Variants in NEB observed in about 807,000 individuals in gnomAD.
The protein encoded by NEB is nemaline myopathy type 2.
Under a neutral mutation model 952.2 loss-of-function variants are expected in NEB, and 512 were observed. The ratio of observed to expected loss-of-function variants is 0.54; its 90% CI spans 0.50 to 0.58. The LOEUF (loss-of-function observed/expected upper bound fraction) is 0.58, where lower values mean the gene tolerates loss of function less well. Among genes scored for constraint, NEB ranks in the 20% least tolerant of loss-of-function variants. NEB has a pLI of 0.00. For missense variants in NEB, 8,428 were observed against 9,231.1 expected (o/e 0.91, Z 3.56); for synonymous variants, 2,900 against 3,149.8 (o/e 0.92, Z 2.66).
chr2:151,507,707 G>C, intron 162 of NEB: 1 of 320,166 alleles, frequency 3.1e-6, no homozygotes, highest in Non-Finnish European at 5.8e-6. Context: ...TGTCTCTCTT[G>C]TTAATCTGTC....
chr2:151,611,642 T>G (rs1234328887), intron 78 of NEB, among the ~76,000 whole-genome samples: 1 of 152,146 alleles, frequency 6.6e-6, no homozygotes, highest in Non-Finnish European at 1.5e-5. Context: ...TTGATAAAAT[T>G]TTGGATGAAA....
chr2:151,542,005 CTCTTT>C (rs2094135459), intron 135 of NEB, among the ~76,000 whole-genome samples: 1 of 152,196 alleles, frequency 6.6e-6, no homozygotes, highest in African/African-American at 2.4e-5. Flanking sequence ...TTCTTTGCCT[CTCTTT>C]TGATTAATTT....
At chr2:151,615,014 T>A (rs2098143203) in intron 76 of NEB, among the ~76,000 whole-genome samples, 1 of 152,182 alleles carries the variant, frequency 6.6e-6, no homozygotes, top group African/African-American at 2.4e-5. Context: ...ATAATAGACT[T>A]CTCAGTCAAG....
In NEB at chr2:151,656,274, G is replaced by A; in HGVS notation, c.6374C>T (p.Ala2125Val). ...TPADMLSVTA[A>V]KDAQANITNT... is the part of the protein sequence containing the mutation. ...GGTGATGTTGGCTTGGGCATCCTTT[G>A]CAGCCGTGACACTGAGCATGTCGGC... The change falls in exon 49 of 182, where the codon GCA becomes GTA. Residue 2125 changes from alanine (A) to valine (V), a missense_variant. Ala to Val is a moderately conservative substitution (Grantham distance 64, BLOSUM62 0). Transcript: ENST00000397345. 2 of 1,613,560 alleles carry A rather than the reference G, an allele frequency of 1.2e-6. No homozygotes were observed. Among genetic ancestry groups the A allele is most frequent in the Non-Finnish European group, 1.7e-6 (2 of 1,179,662 alleles).
rs1450483092 is a variant in NEB, at chr2:151,575,675, G to A, written c.17013+20C>T. ...CTGGGTAACTTTCCAAACAAAAAGA[G>A]AGTCTGTTGTAGTACTTACATTGCT... On this transcript the variant is annotated intron_variant, in intron 107 of 181. Transcript: ENST00000397345. The A allele has an allele frequency of 2.7e-6, 4 of 1,490,692 alleles. No individual in the cohort carries two copies. The highest frequency in any genetic ancestry group is 1.7e-5 in the Admixed American group (1 of 59,406). 92.3% of individuals were successfully genotyped at this position (1,490,692 alleles called of 1,614,324 possible).
rs1458048713 is a variant in NEB at position 151,499,299 on chromosome 2, G to A, written c.24113C>T (p.Ser8038Leu). The A allele has an allele frequency of 1.2e-5, 18 of 1,463,810 alleles. No homozygotes were observed. The highest frequency in any genetic ancestry group is 4.3e-5 in the African/African-American group (3 of 70,264). The allele number at this position is 1,463,810 out of a possible 1,614,324, so 90.7% of individuals were successfully genotyped here. The change falls in exon 169 of 182, where the codon TCG becomes TTG. Residue 8038 changes from serine (S) to leucine (L), a missense_variant and splice_region_variant. Physicochemically the swap from Ser to Leu is moderately radical, Grantham distance 145 (BLOSUM62 -2). Coordinates refer to ENST00000397345, the MANE Select transcript of NEB (RefSeq NM_001164508.2). ...AAGGGATTTTTTATTTTTAAATACCGAACTAAAGTTTTCTTGATTGTGTTT... is the reference window on the plus strand; with the variant it reads ...AAGGGATTTTTTATTTTTAAATACCAAACTAAAGTTTTCTTGATTGTGTTT... ...RVKHNQENFS[S>L]VLYKENLGTG...
At chr2:151,539,734 G>A (rs1406360091) in intron 138 of NEB, among the ~76,000 whole-genome samples, 2 of 152,122 alleles carry the variant, frequency 1.3e-5, no homozygotes, top group African/African-American at 4.8e-5. Flanking sequence ...CCTTGCCCTC[G>A]ATTGTGTGAT....
chr2:151,609,820 G>A lies in NEB; in HGVS notation c.12319C>T (p.Leu4107=). ...DIIQAKKAYD[L]QSDSVYKADL... ...TTCATGTTACGTACATCACTCTGCA[G>A]GTCATAGGCCTTTTTTGCTTGGATA... The change falls in exon 81 of 182, where the codon CTG becomes TTG. Residue 4107 remains leucine, a synonymous_variant. Coordinates refer to ENST00000397345, the MANE Select transcript of NEB (RefSeq NM_001164508.2). 6.3e-7 allele frequency: 1 copy of A among 1,588,172 alleles called. No individual in the cohort carries two copies. The highest frequency in any genetic ancestry group is 8.6e-7 in the Non-Finnish European group (1 of 1,166,572).
chr2:151,511,878 C>T (rs2074678100), intron 161 of NEB, among the ~76,000 whole-genome samples: 1 of 152,118 alleles, frequency 6.6e-6, no homozygotes, highest in Non-Finnish European at 1.5e-5. Context: ...GATCTGCGCA[C>T]ACATTTTTAA....
Position 151,485,414 on chromosome 2 carries a change from T to A in NEB, c.*346A>T, listed in dbSNP as rs2049596222. On this transcript the variant is annotated 3_prime_UTR_variant, in exon 182 of 182. Coordinates refer to ENST00000397345, the MANE Select transcript of NEB (RefSeq NM_001164508.2). ...TATAACTTCAGAACTGAATTAGAAATAATAAGCATTAGCAATCAGCAAGGA... is the reference window on the plus strand; with the variant it reads ...TATAACTTCAGAACTGAATTAGAAAAAATAAGCATTAGCAATCAGCAAGGA... 1 of 178,252 alleles carries A rather than the reference T, an allele frequency of 5.6e-6. No individual in the cohort carries two copies. The highest frequency in any genetic ancestry group is 1.4e-4 in the East Asian group (1 of 7,012). 11.0% of individuals were successfully genotyped at this position (178,252 alleles called of 1,614,324 possible). A position where few individuals can be genotyped will look rare whatever the true frequency, so the allele number is the denominator to read the frequency against.
intron 110 of NEB, 89 bp from the exon 111 acceptor site, chr2:151,568,805 C>A (rs2096526506): frequency 1.1e-6 from 1 of 918,708 alleles, no homozygotes; most frequent in South Asian, 1.7e-5. Context: ...TCCTTCTCTA[C>A]TAGAAACATA....
At chr2:151,672,256 T>G in intron 37 of NEB, 113 bp downstream of exon 37, 1 of 1,069,558 alleles carries the variant, frequency 9.3e-7, no homozygotes, top group Non-Finnish European at 1.3e-6. Context: ...AATGGTTGTT[T>G]ATTCTAAAGT....
rs931858989 is a variant in NEB, at chr2:151,500,895, G to C, written c.24021+496C>G. ...GTGACAGGTGTGAGCCACCACGCCT[G>C]GCCCCAAATAAGATTTCTTTTGGTT... On this transcript the variant is annotated intron_variant, in intron 168 of 181. Coordinates refer to ENST00000397345, the MANE Select transcript of NEB (RefSeq NM_001164508.2). Among the ~76,000 whole-genome samples the C allele has an allele frequency of 3.3e-5, 5 of 151,986 alleles. No individual in the cohort carries two copies. The East Asian group carries it at 9.7e-4, about 29-fold the overall frequency.
chr2:151,547,391 G>C, intron 133 of NEB, 38 bp downstream of exon 133: 1 of 1,489,156 alleles, frequency 6.7e-7, no homozygotes, highest in Non-Finnish European at 9.2e-7. Context: ...CTGCGTCTTG[G>C]TAAGACTACT....
Position 151,552,916 on chromosome 2 carries a change from A to T in NEB, c.19732-140T>A, listed in dbSNP as rs1053445991. On this transcript the variant is annotated intron_variant, in intron 127 of 181. Coordinates refer to ENST00000397345, the MANE Select transcript of NEB (RefSeq NM_001164508.2). ...ACTCAACAGACCGAGATGCATTTGA[A>T]TTTTATAACAGTGTAACCAACACTT... is the stretch of plus-strand genomic sequence containing the variant. 4.8e-6 allele frequency: 3 copies of T among 619,084 alleles called. No individual in the cohort carries two copies. In the African/African-American group the frequency reaches 5.5e-5, roughly 11 times the overall value. 38.3% of individuals were successfully genotyped at this position (619,084 alleles called of 1,614,324 possible).
intron 3 of NEB, among the ~76,000 whole-genome samples, chr2:151,729,896 G>A (rs2099801631): frequency 6.6e-6 from 1 of 152,194 alleles, no homozygotes; most frequent in South Asian, 2.1e-4. Context: ...TGAGAAAAAT[G>A]TATGAGGCTG....
rs1196361272 is a variant in NEB at position 151,614,411 on chromosome 2, C to T, written c.11466G>A (p.Leu3822=). The change falls in exon 77 of 182, where the codon CTG becomes CTA. Residue 3822 remains leucine (L), a synonymous_variant. Coordinates refer to ENST00000397345, the MANE Select transcript of NEB (RefSeq NM_001164508.2). ...KTKFSSPVDM[L]GVVLAKKCQI... ...GACACTTCTTGGCCAGCACCACCCC[C>T]AGCATGTCCACTGGGCTGCTGAACT... The T allele has an allele frequency of 1.2e-6, 2 of 1,613,896 alleles. No homozygotes were observed. The highest frequency in any genetic ancestry group is 1.7e-5 in the Admixed American group (1 of 60,024).
At position 151,634,086 on chromosome 2, in the gene NEB, G is replaced by A; in HGVS notation, c.9103-121C>T. ...CTTTTGTTAACAAGTACTAACTCAA[G>A]CCAGTATCCTGGCTTTCATCCTGGA... is the stretch of plus-strand genomic sequence containing the variant. On this transcript the variant is annotated intron_variant, in intron 64 of 181. Coordinates refer to ENST00000397345, the MANE Select transcript of NEB (RefSeq NM_001164508.2). The A allele has an allele frequency of 2.6e-5, 30 of 1,149,110 alleles. No homozygotes were observed. In the South Asian group the frequency reaches 4.3e-4, roughly 16 times the overall value. 71.2% of individuals were successfully genotyped at this position (1,149,110 alleles called of 1,614,324 possible).
chr2:151,549,834 G>A, intron 129 of NEB, 94 bp from the exon 130 acceptor site: 1 of 713,412 alleles, frequency 1.4e-6, no homozygotes, highest in Non-Finnish European at 2.5e-6. Context: ...TTACAGTTTT[G>A]ACTAGATACT....
Sources: gnomAD v4.1 joint callset for allele counts (sites outside exome capture counted in the v4.1 genomes callset) on GRCh38, gnomAD v4.1.1 for gene constraint, MANE v1.5 for transcripts, NCBI Gene and HGNC (gene_info 2026-07-23, HGNC 2026-07-21) for gene names.